The following CYTH4 variants were observed in gnomAD, a reference collection of about 807,000 sequenced individuals.
The protein encoded by CYTH4 is cytohesin-4.
In CYTH4, 22 loss-of-function variants were observed where a neutral mutation model predicts 57.5. The ratio of observed to expected loss-of-function variants is 0.38; its 90% confidence interval spans 0.27 to 0.55. CYTH4 has a LOEUF of 0.55. CYTH4 is among the 20% of genes least tolerant of loss of function. The pLI, the probability that CYTH4 is intolerant of heterozygous loss-of-function variation, is 0.74. For synonymous variants in CYTH4, 186 were observed against 206.5 expected (o/e 0.90, Z 0.85); for missense variants, 420 against 535.6 (o/e 0.78, Z 2.13).
At chr22:37,309,079 A>G (rs534901278) in intron 8 of CYTH4, 133 bp from the exon 9 acceptor site, 1 of 693,540 alleles carries the variant, frequency 1.4e-6, no homozygotes, top group Non-Finnish European at 2.4e-6. Flanking sequence ...CCCAGGGACC[A>G]CGATAAACAG....
chr22:37,287,282 G>A (rs1459128126), intron 1 of CYTH4, among the ~76,000 whole-genome samples: 1 of 152,064 alleles, frequency 6.6e-6, no homozygotes, highest in Non-Finnish European at 1.5e-5. Flanking sequence ...CGGCCTAGGA[G>A]GAGCTTCAGG....
Position 37,299,208 on chromosome 22 carries a change from T to C in CYTH4, c.354-18T>C. 1.5e-5 allele frequency: 20 copies of C among 1,374,370 alleles called. No individual in the cohort carries two copies. The highest frequency in any genetic ancestry group is 2.9e-5 in the African/African-American group (2 of 69,490). 85.1% of individuals were successfully genotyped at this position (1,374,370 alleles called of 1,614,324 possible). ...GTATCCAAGTGTGTCCCACCCTCCC[T>C]TCCGCCTCCTCCCCCAGGGATCCCA... On this transcript the variant is annotated intron_variant, in intron 5 of 12. Transcript: ENST00000248901.
At chr22:37,300,868 C>T in intron 6 of CYTH4, 39 bp from the exon 7 acceptor site, 1 of 1,575,462 alleles carries the variant, frequency 6.3e-7, no homozygotes, top group Non-Finnish European at 8.7e-7. Flanking sequence ...CCGCGAGGGC[C>T]CACCCACTCC....
intron 1 of CYTH4, 57 bp from the exon 2 acceptor site, chr22:37,292,564 G>A (rs1928785041): frequency 1.9e-6 from 3 of 1,579,608 alleles, no homozygotes; most frequent in Non-Finnish European, 2.6e-6. Context: ...GCAGAAGTGA[G>A]GGCAAGTGGG....
Position 37,290,729 on chromosome 22 carries a change from C to T in CYTH4, c.20-1892C>T, listed in dbSNP as rs544853270. Among the ~76,000 whole-genome samples the T allele has an allele frequency of 4.3e-4, 65 of 152,244 alleles. 1 individual carries two copies. The South Asian group carries it at 0.012, about 29-fold the overall frequency. ...TTCACTGTGTTATCCAGGATGGTCT[C>T]GATCTCCTGACCTCGTGACCCGCCC... On this transcript the variant is annotated intron_variant, in intron 1 of 12. Coordinates refer to ENST00000248901, the MANE Select transcript of CYTH4 (RefSeq NM_013385.5).
intron 1 of CYTH4, among the ~76,000 whole-genome samples, chr22:37,289,039 C>T (rs547257418): frequency 3.4e-4 from 52 of 152,306 alleles, no homozygotes; most frequent in African/African-American, 1.0e-3. Flanking sequence ...ATTTCCAACA[C>T]GTGTCGACTC....
At chr22:37,299,148 C>G (rs544212554) in intron 5 of CYTH4, 78 bp from the exon 6 acceptor site, 4 of 1,063,090 alleles carry the variant, frequency 3.8e-6, no homozygotes, top group South Asian at 1.3e-5. Context: ...CTCCCTCCCC[C>G]ACCTCAACCC....
chr22:37,295,944 G>A lies in CYTH4; in HGVS notation c.168-55G>A. 6.4e-7 allele frequency: 1 copy of A among 1,567,764 alleles called. No homozygotes were observed. Among genetic ancestry groups the A allele is most frequent in the South Asian group, 1.2e-5 (1 of 86,954 alleles). Reference sequence around the variant, plus strand: ...CTGAGGCAAGGGTCCTTGGGGAGTGGAGAGGGTAATTCAGGGTCCTGGGGC... The same window carrying A: ...CTGAGGCAAGGGTCCTTGGGGAGTGAAGAGGGTAATTCAGGGTCCTGGGGC... On this transcript the variant is annotated intron_variant, in intron 3 of 12. Coordinates refer to ENST00000248901, the MANE Select transcript of CYTH4 (RefSeq NM_013385.5). This position sits in a 1 kb window ranked among gnomAD's most constrained non-coding sequence, Gnocchi z 4.1.
At position 37,303,319 on chromosome 22, in the gene CYTH4, C is replaced by T. The variant is rs766349067; in HGVS notation, c.613C>T (p.Arg205Trp). The change falls in exon 8 of 13, where the codon CGG (arginine) becomes TGG (tryptophan). Residue 205 changes from arginine to tryptophan, a missense_variant. Arg to Trp is a moderately radical substitution (Grantham distance 101, BLOSUM62 -3). Transcript: ENST00000248901. Reference protein sequence around the residue: ...LNTSLHNPNVRDRPPFERFVS... With the variant: ...LNTSLHNPNVWDRPPFERFVS... ...CACCAGCCTCCACAATCCCAACGTC[C>T]GGGACAGGCCGCCTTTTGAGCGCTT... The T allele has an allele frequency of 2.5e-6, 4 of 1,614,228 alleles. No homozygotes were observed. Among genetic ancestry groups the T allele is most frequent in the East Asian group, 2.2e-5 (1 of 44,886 alleles).
chr22:37,303,222 G>A (rs748861877), intron 7 of CYTH4, 32 bp from the exon 8 acceptor site: 28 of 1,612,604 alleles, frequency 1.7e-5, no homozygotes, highest in African/African-American at 4.0e-5. Flanking sequence ...GAGTGGCCAG[G>A]GCCAGAACTG....
intron 6 of CYTH4, 148 bp downstream of exon 6, chr22:37,299,454 A>G (rs535514922): frequency 1.3e-6 from 1 of 764,546 alleles, no homozygotes; most frequent in South Asian, 1.6e-5. Context: ...TCATGATAGT[A>G]CTGCCTCACA....
chr22:37,283,884 G>A (rs2284042), intron 1 of CYTH4, among the ~76,000 whole-genome samples: 1 of 144,864 alleles, frequency 6.9e-6, no homozygotes, highest in African/African-American at 2.5e-5. Flanking sequence ...TGGGATGAGG[G>A]GGGGAGGGCA....
In CYTH4 at chr22:37,315,154, G is replaced by A. The variant is rs1929812403; in HGVS notation, c.*1643G>A. ...GCCAGGGGTGGTGGAAGGAGCACTG[G>A]GCTAGGGGTCAGGGGTCAGAGATTC... On this transcript the variant is annotated 3_prime_UTR_variant, in exon 13 of 13. Coordinates refer to ENST00000248901, the MANE Select transcript of CYTH4 (RefSeq NM_013385.5). The A allele has an allele frequency of 6.6e-6, 1 of 152,362 alleles. No homozygotes were observed. Among genetic ancestry groups the A allele is most frequent in the Admixed American group, 6.5e-5 (1 of 15,284 alleles). 9.4% of individuals were successfully genotyped at this position (152,362 alleles called of 1,614,324 possible).
In CYTH4 at chr22:37,314,905, T is replaced by G; in HGVS notation, c.*1394T>G. On this transcript the variant is annotated 3_prime_UTR_variant, in exon 13 of 13. Coordinates refer to ENST00000248901, the MANE Select transcript of CYTH4 (RefSeq NM_013385.5). Reference sequence around the variant, plus strand: ...TCCTCGTCCCCACCCACCCCCACATTTGCACACCTTCCACAGGGTCAGGAT... The same window carrying G: ...TCCTCGTCCCCACCCACCCCCACATGTGCACACCTTCCACAGGGTCAGGAT... 1 of 153,150 alleles carries G rather than the reference T, an allele frequency of 6.5e-6. No homozygotes were observed. The highest frequency in any genetic ancestry group is 1.5e-5 in the Non-Finnish European group (1 of 68,670). The allele number at this position is 153,150 out of a possible 1,614,324, so 9.5% of individuals were successfully genotyped here. A position where few individuals can be genotyped will look rare whatever the true frequency, so the allele number is the denominator to read the frequency against.
intron 9 of CYTH4, chr22:37,309,835 G>T (rs1929570017): frequency 6.4e-6 from 2 of 313,660 alleles, no homozygotes; most frequent in Non-Finnish European, 1.3e-5. Flanking sequence ...CTTAGGGGGA[G>T]GCTCCCTTCA....
intron 8 of CYTH4, chr22:37,304,301 C>T (rs1319984556): frequency 4.4e-6 from 2 of 456,468 alleles, no homozygotes; most frequent in Non-Finnish European, 8.8e-6. Flanking sequence ...GGTATATATG[C>T]ACAGTAGTGG....
At position 37,314,184 on chromosome 22, in the gene CYTH4, G is replaced by A. The variant is rs887182830; in HGVS notation, c.*673G>A. On this transcript the variant is annotated 3_prime_UTR_variant, in exon 13 of 13. Coordinates refer to ENST00000248901, the MANE Select transcript of CYTH4 (RefSeq NM_013385.5). ...TCTCTAGTTCTTGCAAAACTGCAGT[G>A]TTTGGACTAGAAACGTATTGGCCCC... 17 of 395,652 alleles carry A rather than the reference G, an allele frequency of 4.3e-5. No individual in the cohort carries two copies. Among genetic ancestry groups the A allele is most frequent in the African/African-American group, 3.3e-4 (16 of 48,602 alleles). 24.5% of individuals were successfully genotyped at this position (395,652 alleles called of 1,614,324 possible).
At chr22:37,289,878 G>A (rs1045621327) in intron 1 of CYTH4, among the ~76,000 whole-genome samples, 1 of 152,312 alleles carries the variant, frequency 6.6e-6, no homozygotes, top group Admixed American at 6.5e-5. Context: ...TCCCGACCGG[G>A]GAAGTGCTTG....
intron 12 of CYTH4, 40 bp from the exon 13 acceptor site, chr22:37,313,399 G>A (rs934784335): frequency 7.5e-6 from 12 of 1,600,248 alleles, no homozygotes; most frequent in Non-Finnish European, 1.0e-5. Context: ...CACCTTGACG[G>A]CCAGTCCAGC....
Sources: allele counts gnomAD v4.1 joint callset (sites outside exome capture counted in the v4.1 genomes callset), GRCh38; gene constraint gnomAD v4.1.1; non-coding constraint Gnocchi (gnomAD v3.1); transcripts MANE v1.5; gene names NCBI Gene and HGNC (gene_info 2026-07-23, HGNC 2026-07-21).